Variants in PSD2 observed in about 807,000 individuals in gnomAD.
PSD2 encodes pleckstrin and Sec7 domain containing 2.
PSD2 carries 38 observed loss-of-function variants against 69.8 expected under a neutral mutation model. The observed-to-expected ratio is 0.54, with a 90% CI of 0.42 to 0.71. The LOEUF (loss-of-function observed/expected upper bound fraction) is 0.71. PSD2 is among the 30% of genes least tolerant of loss of function. PSD2 has a pLI of 0.00. For missense variants in PSD2, 943 were observed against 1,014.5 expected, an observed-to-expected ratio of 0.93 and a Z score of 0.96; for synonymous variants, 412 against 423.0, an observed-to-expected ratio of 0.97 and a Z score of 0.32.
the PSD2 span, among the ~76,000 whole-genome samples, chr5:139,773,131 C>T: frequency 3.5e-3 from 529 of 152,320 alleles, 1 homozygote; most frequent in Admixed American, 7.7e-3. Flanking sequence ...ACCGTCACCA[C>T]CATCCATCTT....
At chr5:139,815,412 T>C (rs1760094970) in intron 4 of PSD2, among the ~76,000 whole-genome samples, 1 of 152,104 alleles carries the variant, frequency 6.6e-6, no homozygotes, top group Non-Finnish European at 1.5e-5. Context: ...TCCTCAAGTC[T>C]CTCCCATCTG....
chr5:139,793,924 G>A (rs1327787845), upstream of PSD2, among the ~76,000 whole-genome samples: 1 of 152,214 alleles, frequency 6.6e-6, no homozygotes, highest in East Asian at 1.9e-4. Flanking sequence ...GCTGTGACTT[G>A]AGGGCATGGG....
chr5:139,821,431 G>T (rs571477199), intron 5 of PSD2, among the ~76,000 whole-genome samples: 2 of 152,188 alleles, frequency 1.3e-5, no homozygotes, highest in African/African-American at 2.4e-5. Context: ...TCAAACTTGG[G>T]GTAGGGGAGG....
chr5:139,839,592 C>T lies in PSD2; in HGVS notation c.1969-435C>T, dbSNP rs114872194. ...GGTCTGCAACCATTACGTGTATCTG[C>T]GCATGAATGTAAGAGAACGCGTGTA... On this transcript the variant is annotated intron_variant, in intron 13 of 14. Transcript: ENST00000274710. The surrounding 1 kb of genome is among the most constrained non-coding windows in gnomAD (Gnocchi z 5.1). 0.015 allele frequency among the ~76,000 whole-genome samples: 2,353 copies of T among 152,326 alleles called. 72 individuals are homozygous for T. The highest frequency in any genetic ancestry group is 0.054 in the African/African-American group (2,238 of 41,566).
intron 5 of PSD2, among the ~76,000 whole-genome samples, chr5:139,819,401 A>G (rs1760200491): frequency 6.6e-6 from 1 of 152,360 alleles, no homozygotes; most frequent in East Asian, 1.9e-4. Context: ...CCCCTCTTCA[A>G]CAAAATATCC....
intron 5 of PSD2, 83 bp downstream of exon 5, chr5:139,817,644 G>T (rs773140424): frequency 1.8e-4 from 226 of 1,227,910 alleles, no homozygotes; most frequent in Admixed American, 3.0e-4. Flanking sequence ...CCATAAACTT[G>T]CTGTACAACC....
rs117880213 is a variant in PSD2 at position 139,823,661 on chromosome 5, A to G, written c.1269+877A>G. ...CCACATCTGTGAGGTGGGAATAATGATCTCCCTGCGGTGTCATGGGCAGGA... is the reference window on the plus strand; with the variant it reads ...CCACATCTGTGAGGTGGGAATAATGGTCTCCCTGCGGTGTCATGGGCAGGA... On this transcript the variant is annotated intron_variant, in intron 7 of 14. Transcript: ENST00000274710. 3.4e-4 allele frequency among the ~76,000 whole-genome samples: 52 copies of G among 152,250 alleles called. No homozygotes were observed. The East Asian group carries it at 9.3e-3, about 27-fold the overall frequency.
In PSD2 at chr5:139,842,399, T is replaced by C; in HGVS notation, c.2241T>C (p.His747=). ...ATGACCCTTCTCTCCGGAAGACACA[T>C]TCAAGCCCTGCCCTCAGCCAGGGCC... is the stretch of plus-strand genomic sequence containing the variant. The part of the protein sequence containing the change: ...EGDDPSLRKT[H]SSPALSQGHV... Residue 747 remains histidine (H), a synonymous_variant, in exon 15 of 15, where the codon CAT becomes CAC. Transcript: ENST00000274710. 6.2e-7 allele frequency: 1 copy of C among 1,614,164 alleles called. No homozygotes were observed. Among genetic ancestry groups the C allele is most frequent in the Non-Finnish European group, 8.5e-7 (1 of 1,180,016 alleles).
At chr5:139,750,021 G>A in the PSD2 span, among the ~76,000 whole-genome samples, 26 of 139,798 alleles carry the variant, frequency 1.9e-4, no homozygotes, top group African/African-American at 5.4e-4. Context: ...GATCGAGACC[G>A]TCTTAAAAAA....
rs1013218938 is a variant in PSD2 at position 139,839,543 on chromosome 5, C to T, written c.1969-484C>T. The stretch of plus-strand genomic sequence containing the variant: ...GTTTGCCCATCAGCGACAGTGTCTC[C>T]GCCTGTCTTTGGGTGTGATCCTGGG... On this transcript the variant is annotated intron_variant, in intron 13 of 14. Coordinates refer to ENST00000274710, the MANE Select transcript of PSD2 (RefSeq NM_032289.4). The surrounding 1 kb of genome is among the most constrained non-coding windows in gnomAD (Gnocchi z 5.1). Among the ~76,000 whole-genome samples, 4 of 152,226 alleles carry T rather than the reference C, an allele frequency of 2.6e-5. No homozygotes were observed. The highest frequency in any genetic ancestry group is 2.0e-4 in the Admixed American group (3 of 15,282).
chr5:139,821,075 G>GGCATGC (rs1760247216), intron 5 of PSD2, among the ~76,000 whole-genome samples: 1 of 152,144 alleles, frequency 6.6e-6, no homozygotes, highest in Admixed American at 6.5e-5. Context: ...TTGGATTACA[G>GGCATGC]GCATGCGCCA....
Position 139,814,964 on chromosome 5 carries a change from C to G in PSD2, c.1016+600C>G, listed in dbSNP as rs1294962107. On this transcript the variant is annotated intron_variant, in intron 4 of 14. Coordinates refer to ENST00000274710, the MANE Select transcript of PSD2 (RefSeq NM_032289.4). The surrounding 1 kb of genome is among the most constrained non-coding windows in gnomAD (Gnocchi z 4.4). ...GCTCACATCTGACCACCAGTGTGAC[C>G]ACCCACCACCTGCCCCTGGCCCTTT... is the stretch of plus-strand genomic sequence containing the variant. 6.6e-6 allele frequency among the ~76,000 whole-genome samples: 1 copy of G among 152,160 alleles called. No homozygotes were observed. Among genetic ancestry groups the G allele is most frequent in the Non-Finnish European group, 1.5e-5 (1 of 68,018 alleles).
At chr5:139,826,107 C>A (rs1429724273) in intron 7 of PSD2, among the ~76,000 whole-genome samples, 1 of 152,116 alleles carries the variant, frequency 6.6e-6, no homozygotes. Context: ...CAAGAGTGAC[C>A]ACTGGGGTTG....
At position 139,821,462 on chromosome 5, in the gene PSD2, G is replaced by A. The variant is rs1258079445; in HGVS notation, c.1098-431G>A. On this transcript the variant is annotated intron_variant, in intron 5 of 14. Coordinates refer to ENST00000274710, the MANE Select transcript of PSD2 (RefSeq NM_032289.4). ...GGAGGAGTTGAGGGGCCAGAGTTGG[G>A]CCTGGGGCTCAGCTGGTGGCACATG... Among the ~76,000 whole-genome samples, 3 of 152,172 alleles carry A rather than the reference G, an allele frequency of 2.0e-5. No individual in the cohort carries two copies. The East Asian group carries it at 5.8e-4, about 29-fold the overall frequency.
chr5:139,759,316 C>A, the PSD2 span, among the ~76,000 whole-genome samples: 58 of 152,084 alleles, frequency 3.8e-4, no homozygotes, highest in East Asian at 9.0e-3. Context: ...TCTCTCCACT[C>A]ACAGCCTACT....
At chr5:139,774,840 G>T in the PSD2 span, among the ~76,000 whole-genome samples, 11,882 of 152,222 alleles carry the variant, frequency 0.078, 512 homozygotes, top group Non-Finnish European at 0.088. Context: ...CTTTCCTCGG[G>T]GTCCGCAGGG....
intron 4 of PSD2, 51 bp from the exon 5 acceptor site, chr5:139,817,430 A>G: frequency 6.5e-7 from 1 of 1,532,740 alleles, no homozygotes; most frequent in Non-Finnish European, 9.0e-7. Context: ...TGATTCTGTC[A>G]TCCTTGGGCT....
chr5:139,748,846 C>A, the PSD2 span, among the ~76,000 whole-genome samples: 4 of 151,090 alleles, frequency 2.6e-5, no homozygotes, highest in Non-Finnish European at 5.9e-5. Context: ...AGGGAAAAAA[C>A]AGAGAATAAA....
chr5:139,830,570 CTTTCTTT>C (rs1760556106), intron 7 of PSD2, among the ~76,000 whole-genome samples: 2 of 133,428 alleles, frequency 1.5e-5, no homozygotes, highest in Non-Finnish European at 3.1e-5. Flanking sequence ...TCCTTCCTTT[CTTTCTTT>C]CTTTCTTTCT....
Sources: gnomAD v4.1 joint callset for allele counts (sites outside exome capture counted in the v4.1 genomes callset) on GRCh38, gnomAD v4.1.1 for gene constraint, Gnocchi (gnomAD v3.1) non-coding constraint, MANE v1.5 for transcripts, NCBI Gene and HGNC (gene_info 2026-07-23, HGNC 2026-07-21) for gene names.